The following ADGRL3 variants were observed in gnomAD, a reference collection of about 807,000 sequenced individuals.
The protein encoded by ADGRL3 is calcium-independent alpha-latrotoxin receptor 3.
Under a neutral mutation model 153.5 loss-of-function variants are expected in ADGRL3, and 62 were observed. The ratio of observed to expected loss-of-function variants is 0.40; its 90% CI spans 0.33 to 0.50. ADGRL3 has a LOEUF of 0.50. ADGRL3 is among the 20% of genes least tolerant of loss of function. The pLI, the probability that ADGRL3 is intolerant of heterozygous loss-of-function variation, is 0.47. For missense variants in ADGRL3, 1,641 were observed against 1,859.4 expected (o/e 0.88, Z 2.16); for synonymous variants, 710 against 672.5 (o/e 1.06, Z -0.86).
chr4:61,400,565 C>T (rs1465023368), intron 2 of ADGRL3, among the ~76,000 whole-genome samples: 1 of 151,798 alleles, frequency 6.6e-6, no homozygotes, highest in South Asian at 2.1e-4. Flanking sequence ...GTAGTCACAG[C>T]TCTTTATTCC....
At chr4:61,945,735 A>G (rs1247399056) in intron 15 of ADGRL3, among the ~76,000 whole-genome samples, 1 of 151,514 alleles carries the variant, frequency 6.6e-6, no homozygotes, top group Non-Finnish European at 1.5e-5. Flanking sequence ...TGACTCTGAA[A>G]GGGAACTCCC....
At chr4:61,558,078 C>CA (rs1402305699) in intron 4 of ADGRL3, among the ~76,000 whole-genome samples, 1 of 146,602 alleles carries the variant, frequency 6.8e-6, no homozygotes, top group East Asian at 2.0e-4. Flanking sequence ...TGAGTTAGTT[C>CA]AAAATTTGAG....
chr4:61,836,332 A>G (rs946720377), intron 9 of ADGRL3, among the ~76,000 whole-genome samples: 1 of 152,170 alleles, frequency 6.6e-6, no homozygotes, highest in Non-Finnish European at 1.5e-5. Context: ...GTACTATGGA[A>G]TAATATTTGG....
intron 9 of ADGRL3, among the ~76,000 whole-genome samples, chr4:61,844,575 A>AAAAAATATATATATATAT (rs1554045137): frequency 1.1e-4 from 2 of 18,108 alleles, no homozygotes; most frequent in African/African-American, 2.6e-4. Flanking sequence ...AAAAAAAAAA[A>AAAAAATATATATATATAT]ATATATATAT....
intron 9 of ADGRL3, among the ~76,000 whole-genome samples, chr4:61,830,513 T>C (rs1438519942): frequency 6.6e-6 from 1 of 152,160 alleles, no homozygotes; most frequent in Non-Finnish European, 1.5e-5. Flanking sequence ...ATTAGAGAAA[T>C]CCTTAGACTC....
intron 9 of ADGRL3, among the ~76,000 whole-genome samples, chr4:61,871,054 G>A (rs898289347): frequency 7.9e-5 from 12 of 152,126 alleles, no homozygotes; most frequent in Non-Finnish European, 1.5e-4. Context: ...CAAGGCGGGC[G>A]AATCACGAGG....
intron 1 of ADGRL3, among the ~76,000 whole-genome samples, chr4:61,245,735 C>T (rs1471268130): frequency 1.3e-5 from 2 of 152,212 alleles, no homozygotes; most frequent in East Asian, 3.9e-4. Context: ...TCACAAATGT[C>T]TTCCTATTTA....
At chr4:61,482,160 A>G (rs537172861) in intron 2 of ADGRL3, among the ~76,000 whole-genome samples, 1 of 152,336 alleles carries the variant, frequency 6.6e-6, no homozygotes, top group Non-Finnish European at 1.5e-5. Context: ...AACATTTCTA[A>G]TTATTCTAAC....
At chr4:61,912,801 T>C in intron 13 of ADGRL3, 44 bp downstream of exon 13, 2 of 1,560,308 alleles carry the variant, frequency 1.3e-6, no homozygotes, top group Non-Finnish European at 1.8e-6. Context: ...GTTGAATGTC[T>C]CTGTTGTGAT....
chr4:61,424,309 A>C (rs1007802614), intron 2 of ADGRL3, among the ~76,000 whole-genome samples: 18 of 151,592 alleles, frequency 1.2e-4, no homozygotes, highest in African/African-American at 4.4e-4. Context: ...ACCTTGGCCT[A>C]CTCTTGACTG....
intron 1 of ADGRL3, among the ~76,000 whole-genome samples, chr4:61,364,502 A>G (rs1274659014): frequency 6.6e-6 from 1 of 151,958 alleles, no homozygotes; most frequent in Non-Finnish European, 1.5e-5. Context: ...TTTTTTTAAA[A>G]CAAAACATTG....
rs531550123 is a variant in ADGRL3 at position 61,755,440 on chromosome 4, T to C, written c.1399+21886T>C. ...TTCTTTTGAGAAGTGTCTGTTCATATCCTTCGCCCACTTTTTGATGGGGTT... is the reference window on the plus strand; with the variant it reads ...TTCTTTTGAGAAGTGTCTGTTCATACCCTTCGCCCACTTTTTGATGGGGTT... On this transcript the variant is annotated intron_variant, in intron 8 of 26. Transcript: ENST00000683033. Among the ~76,000 whole-genome samples the C allele has an allele frequency of 2.6e-5, 4 of 152,368 alleles. No individual in the cohort carries two copies. In the South Asian group the frequency reaches 6.2e-4, roughly 24 times the overall value.
intron 5 of ADGRL3, among the ~76,000 whole-genome samples, chr4:61,642,719 T>C (rs372353367): frequency 3.3e-5 from 5 of 152,236 alleles, no homozygotes; most frequent in South Asian, 2.1e-4. Flanking sequence ...AGTCAGGTAG[T>C]GTGATGCCTC....
chr4:61,219,846 G>A (rs1375251703), intron 1 of ADGRL3, among the ~76,000 whole-genome samples: 1 of 151,974 alleles, frequency 6.6e-6, no homozygotes, highest in Non-Finnish European at 1.5e-5. Context: ...AGTGGCTCAC[G>A]CCTGTAATCA....
intron 18 of ADGRL3, among the ~76,000 whole-genome samples, chr4:61,982,217 A>G (rs145180172): frequency 6.6e-6 from 1 of 152,300 alleles, no homozygotes; most frequent in East Asian, 1.9e-4. Flanking sequence ...AATATTGCAT[A>G]CTACACAAAA....
At position 61,587,343 on chromosome 4, in the gene ADGRL3, T is replaced by C; in HGVS notation, c.376T>C (p.Tyr126His). The change falls in exon 5 of 27, where the codon TAT (tyrosine) becomes CAT (histidine). Residue 126 changes from tyrosine (Y) to histidine (H), a missense_variant. Physicochemically the swap from Tyr to His is moderately conservative, Grantham distance 83. Coordinates refer to ENST00000683033, the MANE Select transcript of ADGRL3 (RefSeq NM_001387552.1). Reference sequence around the variant, plus strand: ...CGTCATCATGATAGAAAGTGCCAACTATGGCAGGACTGATGACAAAATTTG... The same window carrying C: ...CGTCATCATGATAGAAAGTGCCAACCATGGCAGGACTGATGACAAAATTTG... ...TDVIMIESANYGRTDDKICDS... is the reference protein window; with the variant it reads ...TDVIMIESANHGRTDDKICDS... The C allele has an allele frequency of 6.2e-7, 1 of 1,612,262 alleles. No homozygotes were observed. Among genetic ancestry groups the C allele is most frequent in the Non-Finnish European group, 8.5e-7 (1 of 1,178,876 alleles).
At chr4:61,456,403 CTATATA>C (rs370077212) in intron 2 of ADGRL3, among the ~76,000 whole-genome samples, 2 of 59,314 alleles carry the variant, frequency 3.4e-5, no homozygotes, top group African/African-American at 5.7e-5. Context: ...ATATCTATAT[CTATATA>C]TATATAGATA....
chr4:61,510,389 G>C (rs1001195572), intron 3 of ADGRL3, among the ~76,000 whole-genome samples: 1 of 151,968 alleles, frequency 6.6e-6, no homozygotes, highest in Admixed American at 6.6e-5. Context: ...TATAGTTTAG[G>C]GTCTCACATT....
At chr4:61,827,088 G>A (rs983425881) in intron 9 of ADGRL3, among the ~76,000 whole-genome samples, 12 of 152,134 alleles carry the variant, frequency 7.9e-5, no homozygotes, top group Non-Finnish European at 1.6e-4. Context: ...TCGAATTGCA[G>A]GACTAAATTC....
Sources: allele counts gnomAD v4.1 joint callset (sites outside exome capture counted in the v4.1 genomes callset), GRCh38; gene constraint gnomAD v4.1.1; transcripts MANE v1.5; gene names NCBI Gene and HGNC (gene_info 2026-07-23, HGNC 2026-07-21).